ARHGAP42: variants seen among roughly 807,000 people sequenced by gnomAD.
The protein encoded by ARHGAP42 is Rho GTPase activating protein 42, also known as rho GTPase-activating protein 42.
A neutral mutation model predicts 125.0 loss-of-function variants in ARHGAP42; 63 were observed. The ratio of observed to expected loss-of-function variants is 0.50; its 90% CI spans 0.41 to 0.62. ARHGAP42 has a LOEUF of 0.62. Among genes scored for constraint, ARHGAP42 ranks in the 20% least tolerant of loss-of-function variants. The probability of loss-of-function intolerance (pLI) is 0.00; values close to 1 mark genes in which losing one functional copy is unlikely to be tolerated. For missense variants in ARHGAP42, 766 were observed against 1,024.2 expected (o/e 0.75, Z 3.44); for synonymous variants, 339 against 351.0 (o/e 0.97, Z 0.38).
intron 4 of ARHGAP42, among the ~76,000 whole-genome samples, chr11:100,879,020 T>C (rs759348566): frequency 6.6e-6 from 1 of 151,022 alleles, no homozygotes; most frequent in Admixed American, 6.6e-5. Flanking sequence ...TGAACAAATA[T>C]TTAGTGTGGT....
intron 5 of ARHGAP42, among the ~76,000 whole-genome samples, chr11:100,917,316 C>G (rs1867098557): frequency 1.3e-5 from 2 of 152,072 alleles, no homozygotes; most frequent in East Asian, 3.9e-4. Flanking sequence ...TATCTCTATT[C>G]TTATCCTTCA....
At chr11:100,735,954 G>A (rs1029358304) in intron 1 of ARHGAP42, among the ~76,000 whole-genome samples, 5 of 152,090 alleles carry the variant, frequency 3.3e-5, no homozygotes, top group Non-Finnish European at 7.4e-5. Flanking sequence ...CTATTTGAGC[G>A]GCTATCTTTG....
At chr11:100,912,430 G>C (rs1866947892) in intron 4 of ARHGAP42, among the ~76,000 whole-genome samples, 1 of 152,080 alleles carries the variant, frequency 6.6e-6, no homozygotes, top group African/African-American at 2.4e-5. Context: ...TCTCTGGAAG[G>C]AGAAAAATAG....
chr11:100,732,708 G>A (rs1366337803), intron 1 of ARHGAP42, among the ~76,000 whole-genome samples: 1 of 152,188 alleles, frequency 6.6e-6, no homozygotes. Context: ...GATGTAGAGA[G>A]CTGTGTCTAT....
chr11:100,781,607 A>AGT (rs1863313174), intron 2 of ARHGAP42, among the ~76,000 whole-genome samples: 3 of 152,212 alleles, frequency 2.0e-5, no homozygotes, highest in African/African-American at 4.8e-5. Context: ...GCAAAACAGA[A>AGT]ATAAATCCTC....
At chr11:100,714,528 TC>T (rs1253328388) in intron 1 of ARHGAP42, among the ~76,000 whole-genome samples, 2 of 151,966 alleles carry the variant, frequency 1.3e-5, no homozygotes, top group African/African-American at 4.8e-5. Flanking sequence ...GGAAAGGACT[TC>T]CGAAATTCCA....
At chr11:100,779,983 G>C (rs541212025) in intron 2 of ARHGAP42, among the ~76,000 whole-genome samples, 5 of 151,074 alleles carry the variant, frequency 3.3e-5, no homozygotes, top group African/African-American at 1.2e-4. Context: ...CCAAGATTGC[G>C]CCACTGCACT....
At chr11:100,958,216 T>G (rs1357711257) in intron 12 of ARHGAP42, among the ~76,000 whole-genome samples, 2 of 152,090 alleles carry the variant, frequency 1.3e-5, no homozygotes, top group Non-Finnish European at 2.9e-5. Flanking sequence ...TTTTAAAATG[T>G]CTGAATGCTT....
intron 3 of ARHGAP42, among the ~76,000 whole-genome samples, chr11:100,851,463 C>T (rs777637571): frequency 6.6e-6 from 1 of 152,132 alleles, no homozygotes; most frequent in Non-Finnish European, 1.5e-5. Context: ...CAATACATTA[C>T]GTGTTTCTGG....
chr11:100,783,609 T>C (rs1327074069), intron 2 of ARHGAP42, among the ~76,000 whole-genome samples: 1 of 152,224 alleles, frequency 6.6e-6, no homozygotes, highest in Admixed American at 6.5e-5. Flanking sequence ...GCCACTTGTT[T>C]GTAGGGAAAC....
chr11:100,951,143 G>A (rs1036448004), intron 12 of ARHGAP42, among the ~76,000 whole-genome samples: 4 of 151,974 alleles, frequency 2.6e-5, no homozygotes, highest in African/African-American at 9.7e-5. Context: ...TGAATTAAAT[G>A]CTTTCTAGTG....
At chr11:100,958,371 T>C (rs1250489015) in intron 12 of ARHGAP42, among the ~76,000 whole-genome samples, 1 of 152,058 alleles carries the variant, frequency 6.6e-6, no homozygotes, top group Non-Finnish European at 1.5e-5. Flanking sequence ...TTGAGTTCAC[T>C]GAAAGTATTC....
At chr11:100,864,183 G>A (rs1410660757) in intron 4 of ARHGAP42, among the ~76,000 whole-genome samples, 1 of 150,424 alleles carries the variant, frequency 6.6e-6, no homozygotes, top group Non-Finnish European at 1.5e-5. Context: ...CTCTATGTCT[G>A]AGGATTTTTT....
intron 3 of ARHGAP42, among the ~76,000 whole-genome samples, chr11:100,831,619 C>G (rs573218129): frequency 7.7e-4 from 117 of 152,218 alleles, no homozygotes; most frequent in African/African-American, 2.6e-3. Context: ...AGATTTTATT[C>G]TTAGTATTTT....
At chr11:100,850,912 C>T (rs1337447963) in intron 3 of ARHGAP42, among the ~76,000 whole-genome samples, 3 of 132,266 alleles carry the variant, frequency 2.3e-5, no homozygotes, top group East Asian at 2.1e-4. Flanking sequence ...GATGGAGTCT[C>T]GCTCTGTCAC....
chr11:100,889,973 A>G (rs542603150), intron 4 of ARHGAP42, among the ~76,000 whole-genome samples: 90 of 152,194 alleles, frequency 5.9e-4, no homozygotes, highest in Non-Finnish European at 1.0e-3. Flanking sequence ...TTGCCACAGT[A>G]GGCAATAGGC....
At chr11:100,751,278 T>G in intron 1 of ARHGAP42, among the ~76,000 whole-genome samples, 1 of 115,694 alleles carries the variant, frequency 8.6e-6, no homozygotes. Context: ...TGTGTGTGTG[T>G]GTTTTTTTTT....
intron 3 of ARHGAP42, among the ~76,000 whole-genome samples, chr11:100,823,279 G>A (rs954115675): frequency 6.6e-6 from 1 of 152,112 alleles, no homozygotes; most frequent in Non-Finnish European, 1.5e-5. Context: ...ATTTAATTTG[G>A]TCTGCTTTGT....
At position 100,812,155 on chromosome 11, in the gene ARHGAP42, A is replaced by G. The variant is rs574517085; in HGVS notation, c.312+16989A>G. 3.9e-5 allele frequency among the ~76,000 whole-genome samples: 6 copies of G among 152,272 alleles called. No homozygotes were observed. The East Asian group carries it at 1.2e-3, about 29-fold the overall frequency. Reference sequence around the variant, plus strand: ...CCTTCATATAGTGAACACATTAATAATAGGTTCAGCCAGGTTCTGCTTATA... The same window carrying G: ...CCTTCATATAGTGAACACATTAATAGTAGGTTCAGCCAGGTTCTGCTTATA... On this transcript the variant is annotated intron_variant, in intron 3 of 23. Transcript: ENST00000298815.
Sources: gnomAD v4.1 joint callset for allele counts (sites outside exome capture counted in the v4.1 genomes callset) on GRCh38, gnomAD v4.1.1 for gene constraint, MANE v1.5 for transcripts, NCBI Gene and HGNC (gene_info 2026-07-23, HGNC 2026-07-21) for gene names.